TRIO: variants seen among roughly 807,000 people sequenced by gnomAD.
The protein encoded by TRIO is trio Rho guanine nucleotide exchange factor.
TRIO carries 58 observed loss-of-function variants against 351.9 expected under a neutral mutation model. The observed-to-expected ratio is 0.16, with a 90% CI of 0.13 to 0.21. TRIO has a LOEUF of 0.21. Ranked by LOEUF, TRIO falls within the 10% of genes least tolerant of loss-of-function variation. The pLI, the probability that TRIO is intolerant of heterozygous loss-of-function variation, is 1.00. For missense variants in TRIO, 3,201 were observed against 4,027.8 expected, an observed-to-expected ratio of 0.79 and a Z score of 5.56; for synonymous variants, 1,758 against 1,595.7, an observed-to-expected ratio of 1.10 and a Z score of -2.42.
chr5:14,229,950 G>A (rs760820256), intron 1 of TRIO, among the ~76,000 whole-genome samples: 7 of 152,142 alleles, frequency 4.6e-5, no homozygotes, highest in Non-Finnish European at 1.0e-4. Flanking sequence ...AAAGAAAGAG[G>A]TGCAAACTCC....
chr5:14,406,337 A>T, intron 32 of TRIO: 1 of 568,296 alleles, frequency 1.8e-6, no homozygotes, highest in Admixed American at 3.0e-5. Context: ...GGCAACGATC[A>T]TATCAACTAT....
intron 1 of TRIO, among the ~76,000 whole-genome samples, chr5:14,227,995 A>G (rs943073953): frequency 6.6e-6 from 1 of 152,024 alleles, no homozygotes; most frequent in Admixed American, 6.5e-5. Flanking sequence ...ATAGATGCCT[A>G]TGAGCATTTG....
intron 46 of TRIO, 53 bp downstream of exon 46, chr5:14,482,826 C>G: frequency 7.2e-7 from 1 of 1,391,090 alleles, no homozygotes; most frequent in Non-Finnish European, 9.5e-7. Context: ...ACCCGTCACA[C>G]CGATACACTG....
chr5:14,149,141 G>A (rs1007378709), intron 1 of TRIO, among the ~76,000 whole-genome samples: 5 of 152,196 alleles, frequency 3.3e-5, no homozygotes, highest in Admixed American at 6.5e-5. Context: ...GGCCCTGCAT[G>A]TGCTGCTGGC....
chr5:14,473,871 C>T, intron 39 of TRIO, 123 bp from the exon 40 acceptor site: 1 of 849,612 alleles, frequency 1.2e-6, no homozygotes, highest in Non-Finnish European at 1.8e-6. Context: ...TGTTTTTAGA[C>T]AAAGAACTGG....
At chr5:14,419,720 C>G in intron 33 of TRIO, 58 bp from the exon 34 acceptor site, 2 of 1,591,608 alleles carry the variant, frequency 1.3e-6, no homozygotes, top group Non-Finnish European at 1.7e-6. Flanking sequence ...CCAGCTGTAC[C>G]TGAAGGCACC....
At chr5:14,398,776 C>A in intron 29 of TRIO, 104 bp from the exon 30 acceptor site, 1 of 1,127,214 alleles carries the variant, frequency 8.9e-7, no homozygotes, top group South Asian at 1.6e-5. Flanking sequence ...TAGGGTTGGC[C>A]GATGGGCATT....
Position 14,487,844 on chromosome 5 carries a change from G to A in TRIO, c.7216G>A (p.Ala2406Thr). The A allele has an allele frequency of 2.6e-6, 4 of 1,524,206 alleles. No homozygotes were observed. The highest frequency in any genetic ancestry group is 3.5e-6 in the Non-Finnish European group (4 of 1,135,366). 94.4% of individuals were successfully genotyped at this position (1,524,206 alleles called of 1,614,324 possible). ...GADAEGSERE[A>T]EPIPKMKVLE... ...GGACGCCGAGGGGTCCGAGCGAGAA[G>A]CGGAGCCGATCCCCAAGATGAAGGT... The change falls in exon 48 of 57, where the codon GCG (alanine) becomes ACG (threonine). Residue 2406 changes from alanine (A) to threonine (T), a missense_variant. Physicochemically the swap from Ala to Thr is moderately conservative, Grantham distance 58. Coordinates refer to ENST00000344204, the MANE Select transcript of TRIO (RefSeq NM_007118.4).
intron 43 of TRIO, among the ~76,000 whole-genome samples, chr5:14,480,265 G>C (rs868583519): frequency 2.6e-5 from 4 of 152,160 alleles, no homozygotes; most frequent in Middle Eastern, 3.4e-3. Context: ...TTGGTAGGAC[G>C]GGAATCATCT....
chr5:14,310,683 T>A (rs1195542851), intron 8 of TRIO, among the ~76,000 whole-genome samples: 1 of 152,336 alleles, frequency 6.6e-6, no homozygotes, highest in East Asian at 1.9e-4. Context: ...TCCCTTGCGG[T>A]AGAGTCACTT....
At chr5:14,494,495 C>T (rs1205881741) in intron 49 of TRIO, among the ~76,000 whole-genome samples, 7 of 152,212 alleles carry the variant, frequency 4.6e-5, no homozygotes, top group African/African-American at 1.7e-4. Context: ...CCCAAGAGCT[C>T]CGATGGAGAT....
intron 37 of TRIO, among the ~76,000 whole-genome samples, chr5:14,470,953 A>G (rs1305694548): frequency 1.3e-5 from 2 of 152,246 alleles, no homozygotes; most frequent in African/African-American, 4.8e-5. Flanking sequence ...TTTGGCAGGA[A>G]TATAACCAGT....
Position 14,487,521 on chromosome 5 carries a change from G to T in TRIO, c.6893G>T (p.Gly2298Val). ...CACAGCGGGGGCGGCGGCGGCGGCG[G>T]CAGCGGGGGCAGCGGCGGGGGTGGG... ...RNHSGGGGGG[G>V]SGGSGGGGGS... Residue 2298 changes from glycine (G) to valine (V), a missense_variant, in exon 48 of 57, where the codon GGC becomes GTC. Gly to Val is a moderately radical substitution (Grantham distance 109). This residue lies in a region of TRIO where 1,089 missense variants were observed against 954.9 expected (regional missense o/e 1.14). Transcript: ENST00000344204. 1 of 1,029,954 alleles carries T rather than the reference G, an allele frequency of 9.7e-7. No individual in the cohort carries two copies. Among genetic ancestry groups the T allele is most frequent in the Non-Finnish European group, 1.2e-6 (1 of 847,862 alleles). 63.8% of individuals were successfully genotyped at this position (1,029,954 alleles called of 1,614,324 possible). A position where few individuals can be genotyped will look rare whatever the true frequency, so the allele number is the denominator to read the frequency against.
At chr5:14,362,060 G>C (rs1436702941) in intron 13 of TRIO, among the ~76,000 whole-genome samples, 3 of 152,188 alleles carry the variant, frequency 2.0e-5, no homozygotes, top group Non-Finnish European at 4.4e-5. Context: ...GTTGCCATGA[G>C]GGGAGATTGC....
At chr5:14,498,684 C>T (rs559875641) in intron 53 of TRIO, 44 bp downstream of exon 53, 8 of 1,597,388 alleles carry the variant, frequency 5.0e-6, no homozygotes, top group East Asian at 2.3e-5. Flanking sequence ...CAGTGGGGCA[C>T]GTCTTTCAGG....
chr5:14,383,344 G>A (rs996560704), intron 21 of TRIO, among the ~76,000 whole-genome samples: 1 of 152,198 alleles, frequency 6.6e-6, no homozygotes, highest in Non-Finnish European at 1.5e-5. Context: ...GCAGGCCATT[G>A]TGTATGGCCA....
At chr5:14,183,455 TTAAAG>T (rs1789912963) in intron 1 of TRIO, among the ~76,000 whole-genome samples, 1 of 152,176 alleles carries the variant, frequency 6.6e-6, no homozygotes, top group African/African-American at 2.4e-5. Flanking sequence ...GATCAGTTTG[TTAAAG>T]TACTCTTTCA....
intron 1 of TRIO, among the ~76,000 whole-genome samples, chr5:14,244,333 G>A (rs1794312886): frequency 6.6e-6 from 1 of 152,136 alleles, no homozygotes; most frequent in Non-Finnish European, 1.5e-5. Flanking sequence ...CTGAATGATG[G>A]TTTGGCATTG....
At chr5:14,315,152 C>T (rs1442507256) in intron 8 of TRIO, among the ~76,000 whole-genome samples, 1 of 151,976 alleles carries the variant, frequency 6.6e-6, no homozygotes, top group Non-Finnish European at 1.5e-5. Flanking sequence ...TCAGTGTTAG[C>T]TTTTCCCATT....
Sources: allele counts gnomAD v4.1 joint callset (sites outside exome capture counted in the v4.1 genomes callset), GRCh38; gene constraint gnomAD v4.1.1; regional missense constraint gnomAD v4.1.1; transcripts MANE v1.5; gene names NCBI Gene and HGNC (gene_info 2026-07-23, HGNC 2026-07-21).